CNGB3: variants seen among roughly 807,000 people sequenced by gnomAD.
CNGB3 encodes cyclic nucleotide-gated channel beta-3.
In CNGB3, 86 loss-of-function variants were observed where a neutral mutation model predicts 92.8. The ratio of observed to expected loss-of-function variants is 0.93; its 90% confidence interval spans 0.78 to 1.11. The LOEUF (loss-of-function observed/expected upper bound fraction) is 1.11, where lower values mean the gene tolerates loss of function less well. Among genes scored for constraint, CNGB3 ranks in the 50% least tolerant of loss-of-function variants. CNGB3 has a pLI of 0.00. For missense variants in CNGB3, 1,026 were observed against 956.8 expected (o/e 1.07, Z -0.95); for synonymous variants, 333 against 332.7 (o/e 1.00, Z -0.01).
Position 86,652,380 on chromosome 8 carries a change from C to A in CNGB3, c.903+1632G>T, listed in dbSNP as rs1051667538. On this transcript the variant is annotated intron_variant, in intron 7 of 17. Transcript: ENST00000320005. Reference sequence around the variant, plus strand: ...ATAAACACTGTAGAGTTAGGCTACACTAAATTTATTTAACAATTTTTTCTT... The same window carrying A: ...ATAAACACTGTAGAGTTAGGCTACAATAAATTTATTTAACAATTTTTTCTT... Among the ~76,000 whole-genome samples the A allele has an allele frequency of 8.6e-5, 13 of 151,936 alleles. 1 individual carries two copies. Among genetic ancestry groups the A allele is most frequent in the Non-Finnish European group, 1.2e-4 (8 of 67,910 alleles).
intron 3 of CNGB3, among the ~76,000 whole-genome samples, chr8:86,688,306 C>T (rs984494619): frequency 2.0e-5 from 3 of 152,038 alleles, no homozygotes; most frequent in African/African-American, 7.2e-5. Flanking sequence ...AATCTAACCC[C>T]TCTTCCATAA....
At chr8:86,594,447 T>A (rs561115722) in intron 15 of CNGB3, 2 of 289,358 alleles carry the variant, frequency 6.9e-6, no homozygotes, top group South Asian at 3.1e-5. Context: ...TGCATGTTCA[T>A]GAGCTTGTCG....
chr8:86,694,263 C>T (rs1331036487), intron 3 of CNGB3, among the ~76,000 whole-genome samples: 12 of 149,308 alleles, frequency 8.0e-5, no homozygotes, highest in African/African-American at 2.5e-4. Flanking sequence ...GGCGGCTGGC[C>T]GGGCAAAGGG....
At chr8:86,662,382 C>G (rs1300621365) in intron 6 of CNGB3, among the ~76,000 whole-genome samples, 1 of 152,188 alleles carries the variant, frequency 6.6e-6, no homozygotes, top group Non-Finnish European at 1.5e-5. Flanking sequence ...GAATCGAATA[C>G]TGTCCCTACT....
intron 15 of CNGB3, among the ~76,000 whole-genome samples, chr8:86,597,996 A>G (rs528113224): frequency 6.7e-6 from 1 of 150,036 alleles, no homozygotes; most frequent in Non-Finnish European, 1.5e-5. Flanking sequence ...AAAATAAAAT[A>G]AAATAAAATA....
intron 15 of CNGB3, chr8:86,593,703 G>C: frequency 1.3e-6 from 1 of 784,580 alleles, no homozygotes; most frequent in Non-Finnish European, 2.1e-6. Context: ...GGCACGCTGA[G>C]GGCCAGGCCT....
chr8:86,736,779 A>G (rs1207163978), intron 2 of CNGB3, among the ~76,000 whole-genome samples: 2 of 151,760 alleles, frequency 1.3e-5, no homozygotes, highest in South Asian at 2.1e-4. Flanking sequence ...CACATTTTTT[A>G]CAATGTCCTC....
At chr8:86,633,168 G>A (rs968506228) in intron 10 of CNGB3, among the ~76,000 whole-genome samples, 7 of 152,128 alleles carry the variant, frequency 4.6e-5, no homozygotes, top group Admixed American at 6.5e-5. Context: ...ATAGTTTTAT[G>A]GGTCAGAATT....
Position 86,743,616 on chromosome 8 carries a change from C to A in CNGB3, c.12G>T (p.Ser4=), listed in dbSNP as rs139284415. The part of the protein sequence containing the change: MFK[S]LTKVNKVKPI... ...GCTTCACCTTGTTGACTTTTGTCAG[C>A]GATTTAAACATCTTCTCTGAGGTGG... The change falls in exon 1 of 18, where the codon TCG becomes TCT. Residue 4 remains serine, a synonymous_variant. Transcript: ENST00000320005. 2 of 1,613,886 alleles carry A rather than the reference C, an allele frequency of 1.2e-6. No homozygotes were observed. Among genetic ancestry groups the A allele is most frequent in the South Asian group, 1.1e-5 (1 of 91,084 alleles).
At chr8:86,734,970 C>T (rs1825219895) in intron 2 of CNGB3, among the ~76,000 whole-genome samples, 1 of 149,890 alleles carries the variant, frequency 6.7e-6, no homozygotes, top group African/African-American at 2.5e-5. Flanking sequence ...TGTTAAATGC[C>T]TCAACTAAAG....
chr8:86,641,240 G>A (rs1448329157), intron 10 of CNGB3, among the ~76,000 whole-genome samples: 2 of 151,880 alleles, frequency 1.3e-5, no homozygotes, highest in Non-Finnish European at 2.9e-5. Context: ...CTCAATTCTG[G>A]GAATTGCCTA....
intron 15 of CNGB3, among the ~76,000 whole-genome samples, chr8:86,588,623 T>C (rs1294985821): frequency 3.3e-5 from 5 of 150,986 alleles, no homozygotes; most frequent in African/African-American, 4.9e-5. Context: ...TGGCTCTGTT[T>C]ATATGCTGGA....
At chr8:86,658,495 C>G (rs1193462761) in intron 6 of CNGB3, 1 of 396,464 alleles carries the variant, frequency 2.5e-6, no homozygotes, top group Non-Finnish European at 4.8e-6. Context: ...CCCTGAGCTT[C>G]CTCCTGCTGC....
intron 2 of CNGB3, among the ~76,000 whole-genome samples, chr8:86,739,204 T>C (rs930043904): frequency 8.5e-5 from 13 of 152,144 alleles, no homozygotes; most frequent in Non-Finnish European, 1.8e-4. Flanking sequence ...ATGAGCCTTA[T>C]AATGGAGAGA....
intron 6 of CNGB3, chr8:86,658,327 G>A: frequency 2.1e-6 from 1 of 480,216 alleles, no homozygotes; most frequent in South Asian, 1.9e-5. Context: ...CTTGGCATGA[G>A]CGGAAGCGCC....
chr8:86,597,516 C>T (rs987207083), intron 15 of CNGB3, among the ~76,000 whole-genome samples: 4 of 152,116 alleles, frequency 2.6e-5, no homozygotes, highest in African/African-American at 4.8e-5. Flanking sequence ...AGGGAGACCT[C>T]GGAGGTCCCT....
chr8:86,671,796 C>T (rs1823866712), intron 3 of CNGB3, among the ~76,000 whole-genome samples: 2 of 152,110 alleles, frequency 1.3e-5, no homozygotes, highest in South Asian at 4.1e-4. Context: ...TTGCCAATAA[C>T]CTGAATGAAC....
At chr8:86,697,328 A>G (rs1824468217) in intron 3 of CNGB3, among the ~76,000 whole-genome samples, 1 of 152,204 alleles carries the variant, frequency 6.6e-6, no homozygotes, top group Non-Finnish European at 1.5e-5. Flanking sequence ...TTTGGAATCT[A>G]TGAGTTTATC....
intron 3 of CNGB3, among the ~76,000 whole-genome samples, chr8:86,700,275 G>A (rs1457431077): frequency 6.6e-6 from 1 of 152,002 alleles, no homozygotes; most frequent in African/African-American, 2.4e-5. Context: ...AGGCATTTGT[G>A]TGACATCTTA....
Sources: gnomAD v4.1 joint callset for allele counts (sites outside exome capture counted in the v4.1 genomes callset) on GRCh38, gnomAD v4.1.1 for gene constraint, MANE v1.5 for transcripts, NCBI Gene and HGNC (gene_info 2026-07-23, HGNC 2026-07-21) for gene names.